Variants in PCDHGB5 observed in about 807,000 individuals in gnomAD.
PCDHGB5 encodes the protein protocadherin gamma-B5.
Under a neutral mutation model 62.9 loss-of-function variants are expected in PCDHGB5, and 48 were observed. The observed-to-expected ratio is 0.76, with a 90% CI of 0.61 to 0.97. The LOEUF (loss-of-function observed/expected upper bound fraction) is 0.97. PCDHGB5 is among the 50% of genes least tolerant of loss of function. The pLI, the probability that PCDHGB5 is intolerant of heterozygous loss-of-function variation, is 0.00. For synonymous variants in PCDHGB5, 474 were observed against 511.2 expected, an observed-to-expected ratio of 0.93 and a Z score of 0.98; for missense variants, 1,118 against 1,198.6, an observed-to-expected ratio of 0.93 and a Z score of 0.99.
At chr5:141,469,312 C>T (rs1387258560) in intron 1 of PCDHGB5, among the ~76,000 whole-genome samples, 2 of 152,064 alleles carry the variant, frequency 1.3e-5, no homozygotes, top group Non-Finnish European at 2.9e-5. Flanking sequence ...CACGATGGCT[C>T]ACGCCTGTAA....
At position 141,431,020 on chromosome 5, in the gene PCDHGB5, G is replaced by T. The variant is rs941765907; in HGVS notation, c.2397+30496G>T. ...CGCGCAGCGGCAGCTTGGTCACGGCGGGCAGGATAGACCGGGAGGAGCTCT... is the reference window on the plus strand; with the variant it reads ...CGCGCAGCGGCAGCTTGGTCACGGCTGGCAGGATAGACCGGGAGGAGCTCT... On this transcript the variant is annotated intron_variant, in intron 1 of 3. Coordinates refer to ENST00000617380, the MANE Select transcript of PCDHGB5 (RefSeq NM_018925.3). This position sits in a 1 kb window ranked among gnomAD's most constrained non-coding sequence, Gnocchi z 4.8. 2.5e-6 allele frequency: 4 copies of T among 1,614,050 alleles called. No homozygotes were observed. The East Asian group carries it at 8.9e-5, about 36-fold the overall frequency.
In PCDHGB5 at chr5:141,486,223, C is replaced by G. The variant is rs1164723634; in HGVS notation, c.2398-8584C>G. ...ACGTAAATGACAATGCCCCTTACATCACAGTGACCTCAGAGCTTGGAACCC... is the reference window on the plus strand; with the variant it reads ...ACGTAAATGACAATGCCCCTTACATGACAGTGACCTCAGAGCTTGGAACCC... On this transcript the variant is annotated intron_variant, in intron 1 of 3. Coordinates refer to ENST00000617380, the MANE Select transcript of PCDHGB5 (RefSeq NM_018925.3). The surrounding 1 kb of genome is among the most constrained non-coding windows in gnomAD (Gnocchi z 5.0). The G allele has an allele frequency of 6.2e-7, 1 of 1,614,148 alleles. No homozygotes were observed. Among genetic ancestry groups the G allele is most frequent in the Admixed American group, 1.7e-5 (1 of 60,032 alleles).
chr5:141,449,389 T>C (rs577860793), intron 1 of PCDHGB5, among the ~76,000 whole-genome samples: 5 of 151,964 alleles, frequency 3.3e-5, no homozygotes, highest in African/African-American at 1.2e-4. Flanking sequence ...GGTGGATTAC[T>C]TGAGGCCAGG....
intron 1 of PCDHGB5, among the ~76,000 whole-genome samples, chr5:141,467,332 C>T (rs985838492): frequency 6.6e-6 from 1 of 152,124 alleles, no homozygotes; most frequent in Non-Finnish European, 1.5e-5. Context: ...GGATTAGAGA[C>T]GTAAGCCACT....
chr5:141,425,248 G>T (rs954872490), intron 1 of PCDHGB5, among the ~76,000 whole-genome samples: 2 of 152,178 alleles, frequency 1.3e-5, no homozygotes, highest in Admixed American at 1.3e-4. Context: ...AAAAGGATAT[G>T]AGGTATTTGG....
At chr5:141,471,079 C>T (rs1169560328) in intron 1 of PCDHGB5, among the ~76,000 whole-genome samples, 1 of 145,256 alleles carries the variant, frequency 6.9e-6, no homozygotes, top group African/African-American at 2.5e-5. Context: ...GACAGGGTCT[C>T]CCTCTGTTGT....
rs751024373 is a variant in PCDHGB5, at chr5:141,491,801, G to T, written c.2398-3006G>T. 1 of 1,500,844 alleles carries T rather than the reference G, an allele frequency of 6.7e-7. No homozygotes were observed. Among genetic ancestry groups the T allele is most frequent in the Non-Finnish European group, 8.9e-7 (1 of 1,125,292 alleles). 93.0% of individuals were successfully genotyped at this position (1,500,844 alleles called of 1,614,324 possible). ...AACTTGCATCCACTCCTCTCCGGCCGGCTTGGTCGCTGGCTGCGCTCCACC... is the reference window on the plus strand; with the variant it reads ...AACTTGCATCCACTCCTCTCCGGCCTGCTTGGTCGCTGGCTGCGCTCCACC... On this transcript the variant is annotated intron_variant, in intron 1 of 3. Transcript: ENST00000617380. This position sits in a 1 kb window ranked among gnomAD's most constrained non-coding sequence, Gnocchi z 6.9.
rs1477534800 is a variant in PCDHGB5, at chr5:141,404,988, A to G, written c.2397+4464A>G. The G allele has an allele frequency of 5.0e-6, 8 of 1,613,868 alleles. 1 individual carries two copies. The South Asian group carries it at 7.7e-5, about 16-fold the overall frequency. On this transcript the variant is annotated intron_variant, in intron 1 of 3. Coordinates refer to ENST00000617380, the MANE Select transcript of PCDHGB5 (RefSeq NM_018925.3). ...ATCCTGGCTGACCTGGGCAGTCTTCAGATCCCTGCAGACCTGGAGGCCTCA... is the reference window on the plus strand; with the variant it reads ...ATCCTGGCTGACCTGGGCAGTCTTCGGATCCCTGCAGACCTGGAGGCCTCA...
Position 141,431,585 on chromosome 5 carries a change from G to A in PCDHGB5, c.2397+31061G>A. 6.2e-7 allele frequency: 1 copy of A among 1,614,204 alleles called. No individual in the cohort carries two copies. The highest frequency in any genetic ancestry group is 1.6e-4 in the Middle Eastern group (1 of 6,062). On this transcript the variant is annotated intron_variant, in intron 1 of 3. Transcript: ENST00000617380. This position sits in a 1 kb window ranked among gnomAD's most constrained non-coding sequence, Gnocchi z 4.8. ...CGACCCTGACGAAGGAGTCAATGCG[G>A]AAGTGAGGTATTCCTTCCGGTATGT...
chr5:141,427,611 G>A (rs747386422), intron 1 of PCDHGB5: 22 of 691,570 alleles, frequency 3.2e-5, no homozygotes, highest in Non-Finnish European at 5.5e-5. Context: ...CATTGGTGAA[G>A]TCAACGACAA....
chr5:141,440,960 A>C (rs1467379261), intron 1 of PCDHGB5: 2 of 152,248 alleles, frequency 1.3e-5, no homozygotes, highest in Non-Finnish European at 2.9e-5. Flanking sequence ...CAAGGCAGAG[A>C]TCACATATGG....
intron 1 of PCDHGB5, chr5:141,403,538 C>T (rs781129314): frequency 1.5e-5 from 24 of 1,613,874 alleles, no homozygotes; most frequent in Non-Finnish European, 1.5e-5. Flanking sequence ...AGAGCTGGTG[C>T]TGGAGCGCGC....
At chr5:141,506,308 G>A (rs941724820) in intron 3 of PCDHGB5, among the ~76,000 whole-genome samples, 8 of 152,100 alleles carry the variant, frequency 5.3e-5, no homozygotes. Flanking sequence ...AATTAGCTGG[G>A]CATGGTGGTG....
At chr5:141,509,570 G>A (rs2099877371) in intron 3 of PCDHGB5, among the ~76,000 whole-genome samples, 1 of 152,232 alleles carries the variant, frequency 6.6e-6, no homozygotes, top group South Asian at 2.1e-4. Flanking sequence ...AGCCTTCACA[G>A]TGCGTACAAA....
rs551414580 is a variant in PCDHGB5, at chr5:141,493,693, C to T, written c.2398-1114C>T. ...GCCCCAGAATGGTGCTGGTGACTCC[C>T]GATACACCTGGAATGCTAGGTTTCT... On this transcript the variant is annotated intron_variant, in intron 1 of 3. Coordinates refer to ENST00000617380, the MANE Select transcript of PCDHGB5 (RefSeq NM_018925.3). This position sits in a 1 kb window ranked among gnomAD's most constrained non-coding sequence, Gnocchi z 4.3. 5.3e-5 allele frequency among the ~76,000 whole-genome samples: 8 copies of T among 152,168 alleles called. No individual in the cohort carries two copies. Among genetic ancestry groups the T allele is most frequent in the Non-Finnish European group, 1.0e-4 (7 of 68,032 alleles).
intron 2 of PCDHGB5, among the ~76,000 whole-genome samples, chr5:141,501,109 C>G (rs909874167): frequency 2.0e-5 from 3 of 152,106 alleles, no homozygotes; most frequent in Non-Finnish European, 4.4e-5. Context: ...CCTCGTGATC[C>G]GCCTGCCTCA....
At chr5:141,416,387 A>T (rs1229066765) in intron 1 of PCDHGB5, 1 of 152,190 alleles carries the variant, frequency 6.6e-6, no homozygotes, top group Admixed American at 6.5e-5. Context: ...AATATTTGGG[A>T]TTCTGCTTTT....
At chr5:141,419,723 C>G (rs373666366) in intron 1 of PCDHGB5, 1 of 1,613,174 alleles carries the variant, frequency 6.2e-7, no homozygotes, top group African/African-American at 1.3e-5. Context: ...CCTGGGGCTG[C>G]GAACAGGCGA....
rs1242637725 is a variant in PCDHGB5 at position 141,432,619 on chromosome 5, T to G, written c.2397+32095T>G. 3.1e-6 allele frequency: 5 copies of G among 1,612,618 alleles called. No homozygotes were observed. The highest frequency in any genetic ancestry group is 1.7e-5 in the Admixed American group (1 of 59,934). On this transcript the variant is annotated intron_variant, in intron 1 of 3. Transcript: ENST00000617380. This position sits in a 1 kb window ranked among gnomAD's most constrained non-coding sequence, Gnocchi z 6.0. ...GCGAGCCGGGACTCTTCTCGGTGGG[T>G]CTGCACACGGGCGAGGTGCGCACGG... is the stretch of plus-strand genomic sequence containing the variant.
Sources: gnomAD v4.1 joint callset for allele counts (sites outside exome capture counted in the v4.1 genomes callset) on GRCh38, gnomAD v4.1.1 for gene constraint, Gnocchi (gnomAD v3.1) non-coding constraint, MANE v1.5 for transcripts, NCBI Gene and HGNC (gene_info 2026-07-23, HGNC 2026-07-21) for gene names.